ERC1: variants seen among roughly 807,000 people sequenced by gnomAD.
The protein encoded by ERC1 is ELKS/RAB6-interacting/CAST family member 1, also known as RAB6 interacting protein 2.
Under a neutral mutation model 132.0 loss-of-function variants are expected in ERC1, and 56 were observed. That is an observed-to-expected ratio of 0.42 (90% CI 0.34 to 0.53). The LOEUF is 0.53. Ranked by LOEUF, ERC1 falls within the 20% of genes least tolerant of loss-of-function variation. The pLI, the probability that ERC1 is intolerant of heterozygous loss-of-function variation, is 0.03. For missense variants in ERC1, 1,202 were observed against 1,349.9 expected, an observed-to-expected ratio of 0.89 and a Z score of 1.72; for synonymous variants, 478 against 476.1, an observed-to-expected ratio of 1.00 and a Z score of -0.05.
chr12:1,439,286 GAATGATACAGGAAC>G (rs1250947024), intron 17 of ERC1, among the ~76,000 whole-genome samples: 2 of 152,150 alleles, frequency 1.3e-5, no homozygotes, highest in Non-Finnish European at 2.9e-5. Context: ...TATTTGTATT[GAATGATACAGGAAC>G]AACTTACCTG....
chr12:1,331,563 C>T (rs1407974390), intron 15 of ERC1, among the ~76,000 whole-genome samples: 1 of 152,144 alleles, frequency 6.6e-6, no homozygotes, highest in African/African-American at 2.4e-5. Flanking sequence ...CGGTAGATAC[C>T]TTGGTTCTGT....
At chr12:1,050,413 T>G (rs978979101) in intron 2 of ERC1, among the ~76,000 whole-genome samples, 2 of 152,188 alleles carry the variant, frequency 1.3e-5, no homozygotes, top group African/African-American at 4.8e-5. Context: ...ATTAGAGCAT[T>G]TTCTTTATTA....
chr12:1,047,428 A>C (rs1445869971), intron 2 of ERC1, among the ~76,000 whole-genome samples: 2 of 150,794 alleles, frequency 1.3e-5, no homozygotes, highest in Non-Finnish European at 3.0e-5. Context: ...CAAAGCCCGA[A>C]AGAAGAATTA....
At chr12:1,468,209 T>G (rs542114953) in intron 18 of ERC1, among the ~76,000 whole-genome samples, 1 of 152,190 alleles carries the variant, frequency 6.6e-6, no homozygotes, top group East Asian at 1.9e-4. Flanking sequence ...AGGTAAAGAC[T>G]CATGGAAAAG....
chr12:1,473,091 T>C (rs2093896521), intron 18 of ERC1, among the ~76,000 whole-genome samples: 1 of 152,176 alleles, frequency 6.6e-6, no homozygotes, highest in Non-Finnish European at 1.5e-5. Context: ...AGTGGTGCGA[T>C]CTCAGCTCAC....
At chr12:1,133,403 T>C (rs184144339) in intron 7 of ERC1, among the ~76,000 whole-genome samples, 8 of 152,310 alleles carry the variant, frequency 5.3e-5, no homozygotes, top group Admixed American at 5.2e-4. Flanking sequence ...TGATGCCTTG[T>C]AATGGGTTCA....
chr12:1,349,880 G>A (rs768183876), intron 15 of ERC1, among the ~76,000 whole-genome samples: 1 of 152,154 alleles, frequency 6.6e-6, no homozygotes, highest in Non-Finnish European at 1.5e-5. Flanking sequence ...GCCAGTGTTG[G>A]TTTAAAGTAC....
chr12:1,484,283 G>GCA (rs1565530934), intron 18 of ERC1, among the ~76,000 whole-genome samples: 4 of 149,944 alleles, frequency 2.7e-5, no homozygotes, highest in African/African-American at 4.9e-5. Context: ...CCAGCCTGGT[G>GCA]ACAGAGCGAG....
chr12:1,143,384 A>G (rs1472320507), intron 8 of ERC1, among the ~76,000 whole-genome samples: 1 of 126,324 alleles, frequency 7.9e-6, no homozygotes. Context: ...GTGTGTGTTC[A>G]GACTTCTTAA....
chr12:1,495,090 A>G lies in ERC1; in HGVS notation c.*4860A>G. On this transcript the variant is annotated 3_prime_UTR_variant, in exon 19 of 19. Coordinates refer to ENST00000360905, the MANE Select transcript of ERC1 (RefSeq NM_178040.4). Reference sequence around the variant, plus strand: ...TAGAGGTTTCACAGTTTGTGACCCCATAACCACCCTCACCCGACGTGGGTT... The same window carrying G: ...TAGAGGTTTCACAGTTTGTGACCCCGTAACCACCCTCACCCGACGTGGGTT... The G allele has an allele frequency of 4.4e-6, 1 of 229,784 alleles. No individual in the cohort carries two copies. Among genetic ancestry groups the G allele is most frequent in the Non-Finnish European group, 8.6e-6 (1 of 115,888 alleles). The allele number at this position is 229,784 out of a possible 1,614,324, so 14.2% of individuals were successfully genotyped here. A position where few individuals can be genotyped will look rare whatever the true frequency, so the allele number is the denominator to read the frequency against.
At chr12:1,138,522 AG>A (rs1949574463) in intron 7 of ERC1, among the ~76,000 whole-genome samples, 1 of 151,590 alleles carries the variant, frequency 6.6e-6, no homozygotes, top group Non-Finnish European at 1.5e-5. Flanking sequence ...TGAGGGAGAT[AG>A]TATTTGTCTG....
chr12:1,286,689 A>C (rs1386062823), intron 14 of ERC1, among the ~76,000 whole-genome samples: 1 of 152,138 alleles, frequency 6.6e-6, no homozygotes, highest in Non-Finnish European at 1.5e-5. Flanking sequence ...AAAATCTGTC[A>C]GTAAGAGCAT....
At chr12:1,075,928 A>C (rs1941269141) in intron 2 of ERC1, among the ~76,000 whole-genome samples, 1 of 152,172 alleles carries the variant, frequency 6.6e-6, no homozygotes, top group African/African-American at 2.4e-5. Flanking sequence ...CAGACCCTCA[A>C]AGTTCAAACC....
At chr12:1,488,338 CAGTT>C (rs1200969506) in intron 18 of ERC1, among the ~76,000 whole-genome samples, 7 of 152,004 alleles carry the variant, frequency 4.6e-5, no homozygotes, top group East Asian at 1.9e-4. Context: ...CATTTAGTAA[CAGTT>C]AGAACACCTA....
At chr12:1,100,929 T>G (rs1368385671) in intron 3 of ERC1, among the ~76,000 whole-genome samples, 1 of 151,164 alleles carries the variant, frequency 6.6e-6, no homozygotes, top group Non-Finnish European at 1.5e-5. Context: ...TCCTGAGGAG[T>G]TGGGAAGAAA....
chr12:1,121,737 CTCTA>C (rs377317197), intron 7 of ERC1, among the ~76,000 whole-genome samples: 162 of 5,702 alleles, frequency 0.028, 36 homozygotes, highest in East Asian at 0.25. Flanking sequence ...CTATCTCTAT[CTCTA>C]TCTATCTCTA....
chr12:1,185,916 T>A (rs1052112599), intron 11 of ERC1, among the ~76,000 whole-genome samples: 2 of 152,188 alleles, frequency 1.3e-5, no homozygotes, highest in African/African-American at 2.4e-5. Context: ...TGTTGTGGCT[T>A]TTAGCCACAC....
chr12:1,098,391 A>G (rs535133070), intron 3 of ERC1, among the ~76,000 whole-genome samples: 2 of 152,354 alleles, frequency 1.3e-5, no homozygotes, highest in Admixed American at 6.5e-5. Context: ...TTGAAAATAG[A>G]CAAAGGAGGT....
Position 1,490,324 on chromosome 12 carries a change from C to T in ERC1, c.*94C>T, listed in dbSNP as rs890412024. On this transcript the variant is annotated 3_prime_UTR_variant, in exon 19 of 19. Transcript: ENST00000360905. ...TGCCCGGAACCTTCTTGGCACCAAA[C>T]ACTACAAACTTCATCCCAACTTGCT... 1 of 1,258,326 alleles carries T rather than the reference C, an allele frequency of 7.9e-7. No homozygotes were observed. Among genetic ancestry groups the T allele is most frequent in the African/African-American group, 1.5e-5 (1 of 67,114 alleles). 77.9% of individuals were successfully genotyped at this position (1,258,326 alleles called of 1,614,324 possible).
Sources: allele counts gnomAD v4.1 joint callset (sites outside exome capture counted in the v4.1 genomes callset), GRCh38; gene constraint gnomAD v4.1.1; transcripts MANE v1.5; gene names NCBI Gene and HGNC (gene_info 2026-07-23, HGNC 2026-07-21).